The following SDK1 variants were observed in gnomAD, a reference collection of about 807,000 sequenced individuals.
SDK1 encodes protein sidekick-1.
In SDK1, 157 loss-of-function variants were observed where a neutral mutation model predicts 245.5. The observed-to-expected ratio is 0.64, with a 90% CI of 0.56 to 0.73. SDK1 has a LOEUF of 0.73. Among genes scored for constraint, SDK1 ranks in the 30% least tolerant of loss-of-function variants. SDK1 has a pLI of 0.00. For missense variants in SDK1, 3,583 were observed against 3,002.3 expected, an observed-to-expected ratio of 1.19 and a Z score of -4.52; for synonymous variants, 1,647 against 1,278.5, an observed-to-expected ratio of 1.29 and a Z score of -6.15.
At chr7:3,850,746 C>G (rs186934646) in intron 5 of SDK1, among the ~76,000 whole-genome samples, 155 of 151,786 alleles carry the variant, frequency 1.0e-3, no homozygotes, top group African/African-American at 3.7e-3. Context: ...TCTCAGCAAA[C>G]TATCGCAAGA....
chr7:3,711,010 C>T (rs1432359883), intron 4 of SDK1, among the ~76,000 whole-genome samples: 5 of 152,044 alleles, frequency 3.3e-5, no homozygotes, highest in Admixed American at 3.3e-4. Flanking sequence ...AAATTTTATT[C>T]CCAGGAAACT....
At chr7:4,092,234 A>G (rs948170729) in intron 22 of SDK1, among the ~76,000 whole-genome samples, 2 of 152,144 alleles carry the variant, frequency 1.3e-5, no homozygotes, top group African/African-American at 4.8e-5. Context: ...AACTTTACGA[A>G]TGCATCTCCT....
chr7:4,214,999 G>C (rs955602863), intron 38 of SDK1, among the ~76,000 whole-genome samples: 1 of 152,208 alleles, frequency 6.6e-6, no homozygotes, highest in Non-Finnish European at 1.5e-5. Context: ...TGCCACCCAG[G>C]TGGACCTCAT....
chr7:3,335,278 G>A (rs1780170363), intron 1 of SDK1, among the ~76,000 whole-genome samples: 1 of 152,098 alleles, frequency 6.6e-6, no homozygotes. Flanking sequence ...TGTGTGGATG[G>A]TCCCAGTTAT....
chr7:4,127,852 C>T (rs572471760), intron 26 of SDK1, among the ~76,000 whole-genome samples: 4 of 152,354 alleles, frequency 2.6e-5, no homozygotes, highest in South Asian at 2.1e-4. Flanking sequence ...ACGGGAATAA[C>T]GATGGTAGCT....
chr7:3,620,334 C>G (rs1006925716), intron 2 of SDK1, among the ~76,000 whole-genome samples: 4 of 151,118 alleles, frequency 2.6e-5, no homozygotes, highest in African/African-American at 9.8e-5. Flanking sequence ...CGGAGTTTCA[C>G]TCTTGTTGCC....
At chr7:3,321,837 CT>C (rs1779822176) in intron 1 of SDK1, among the ~76,000 whole-genome samples, 4 of 125,336 alleles carry the variant, frequency 3.2e-5, no homozygotes, top group African/African-American at 1.1e-4. Flanking sequence ...TCCTCCTTTT[CT>C]CTCTCTCTCT....
chr7:3,945,899 T>TAAAAAAAAAAAAAAAAAAAAAA (rs754101246), intron 5 of SDK1, among the ~76,000 whole-genome samples: 1 of 13,684 alleles, frequency 7.3e-5, no homozygotes. Context: ...ACTCTGTCTG[T>TAAAAAAAAAAAAAAAAAAAAAA]AAAAAAAAAA....
At chr7:3,800,370 C>CTTACTTACTTATTTATTTAT (rs1554263702) in intron 4 of SDK1, among the ~76,000 whole-genome samples, 13 of 148,994 alleles carry the variant, frequency 8.7e-5, no homozygotes, top group African/African-American at 3.3e-4. Flanking sequence ...TACTTACTTA[C>CTTACTTACTTATTTATTTAT]TTATTTATTT....
Position 4,011,024 on chromosome 7 carries a change from G to A in SDK1, c.2190G>A (p.Val730=), listed in dbSNP as rs1003805808. The change falls in exon 15 of 45, where the codon GTG becomes GTA. Residue 730 remains valine (V), a synonymous_variant. Transcript: ENST00000404826. The part of the protein sequence containing the change: ...NVGPEMTGVT[V]SGLTPARTYQ... ...GCCCTGAGATGACAGGCGTCACCGT[G>A]AGTGGCCTGACTCCGGCTCGTACCT... The A allele has an allele frequency of 1.2e-6, 2 of 1,614,244 alleles. No individual in the cohort carries two copies. Among genetic ancestry groups the A allele is most frequent in the Non-Finnish European group, 1.7e-6 (2 of 1,180,046 alleles).
At chr7:3,562,834 T>C (rs866560210) in intron 1 of SDK1, among the ~76,000 whole-genome samples, 1 of 123,834 alleles carries the variant, frequency 8.1e-6, no homozygotes, top group Admixed American at 8.4e-5. Context: ...TATAAAAGTT[T>C]CTATATAAAG....
chr7:3,643,361 C>G (rs1360447555), intron 4 of SDK1: 1 of 150,266 alleles, frequency 6.7e-6, no homozygotes, highest in East Asian at 2.0e-4. Flanking sequence ...CCTGGTGATT[C>G]TCGTCTCCCA....
At chr7:4,238,791 A>G (rs1157081021) in intron 42 of SDK1, among the ~76,000 whole-genome samples, 1 of 151,000 alleles carries the variant, frequency 6.6e-6, no homozygotes, top group Non-Finnish European at 1.5e-5. Context: ...CAGGTGATCC[A>G]CCTGCCTCAG....
At chr7:3,500,805 G>GT (rs1356210882) in intron 1 of SDK1, among the ~76,000 whole-genome samples, 1 of 150,986 alleles carries the variant, frequency 6.6e-6, no homozygotes, top group Non-Finnish European at 1.5e-5. Flanking sequence ...CTAGTCCTCT[G>GT]TTTTTCATGT....
intron 44 of SDK1, among the ~76,000 whole-genome samples, chr7:4,264,150 A>G (rs1241880963): frequency 2.4e-5 from 3 of 122,772 alleles, no homozygotes; most frequent in Non-Finnish European, 5.1e-5. Flanking sequence ...CTCCTGAGTG[A>G]GGGTGGCCGC....
intron 29 of SDK1, among the ~76,000 whole-genome samples, chr7:4,147,409 A>G (rs1197206290): frequency 2.6e-5 from 4 of 152,148 alleles, no homozygotes; most frequent in African/African-American, 9.6e-5. Flanking sequence ...CTGGGGTTAC[A>G]GGCATGAGCC....
In SDK1 at chr7:3,516,163, A is replaced by G. The variant is rs183203794; in HGVS notation, c.299-102917A>G. 5.8e-4 allele frequency among the ~76,000 whole-genome samples: 86 copies of G among 149,434 alleles called. 1 individual carries two copies. Among genetic ancestry groups the G allele is most frequent in the Admixed American group, 1.8e-3 (27 of 14,958 alleles). ...CTCAAAAATATACATTTGCATGTAT[A>G]TAAACATATATACATGCACATACAT... On this transcript the variant is annotated intron_variant, in intron 1 of 44. Coordinates refer to ENST00000404826, the MANE Select transcript of SDK1 (RefSeq NM_152744.4).
At chr7:3,863,245 C>A (rs1010957740) in intron 5 of SDK1, among the ~76,000 whole-genome samples, 1 of 152,150 alleles carries the variant, frequency 6.6e-6, no homozygotes, top group South Asian at 2.1e-4. Context: ...GCCCTGCTTG[C>A]CTCCTGGGTT....
intron 1 of SDK1, among the ~76,000 whole-genome samples, chr7:3,391,455 A>G (rs1186578172): frequency 6.7e-6 from 1 of 150,160 alleles, no homozygotes; most frequent in Non-Finnish European, 1.5e-5. Context: ...GCTTAAGCGT[A>G]CATTTGGAAG....
Sources: allele counts gnomAD v4.1 joint callset (sites outside exome capture counted in the v4.1 genomes callset), GRCh38; gene constraint gnomAD v4.1.1; transcripts MANE v1.5; gene names NCBI Gene and HGNC (gene_info 2026-07-23, HGNC 2026-07-21).